Variants in VPS53 observed in about 807,000 individuals in gnomAD.
VPS53 encodes vacuolar protein sorting-associated protein 53 homolog.
VPS53 carries 70 observed loss-of-function variants against 107.0 expected under a neutral mutation model. The observed-to-expected ratio is 0.65, with a 90% CI of 0.54 to 0.80. The LOEUF (loss-of-function observed/expected upper bound fraction) is 0.80, where lower values mean the gene tolerates loss of function less well. Among genes scored for constraint, VPS53 ranks in the 30% least tolerant of loss-of-function variants. The probability of loss-of-function intolerance (pLI) is 0.00; values close to 1 mark genes in which losing one functional copy is unlikely to be tolerated. For synonymous variants in VPS53, 409 were observed against 393.3 expected, an observed-to-expected ratio of 1.04 and a Z score of -0.47; for missense variants, 917 against 1,049.4, an observed-to-expected ratio of 0.87 and a Z score of 1.74.
intron 12 of VPS53, among the ~76,000 whole-genome samples, chr17:601,286 G>C (rs562834290): frequency 1.3e-5 from 2 of 152,328 alleles, no homozygotes; most frequent in South Asian, 4.1e-4. Context: ...AAATTAAAGT[G>C]TTAGTGTGCT....
chr17:568,971 G>A (rs1313245614), intron 13 of VPS53, among the ~76,000 whole-genome samples: 3 of 152,190 alleles, frequency 2.0e-5, no homozygotes, highest in Non-Finnish European at 4.4e-5. Flanking sequence ...AGCTCTCTCA[G>A]CCAAGGCAAT....
chr17:663,191 G>A (rs1397136224), intron 4 of VPS53, among the ~76,000 whole-genome samples: 1 of 152,132 alleles, frequency 6.6e-6, no homozygotes, highest in Non-Finnish European at 1.5e-5. Flanking sequence ...GACTGAGCGA[G>A]ATCTTGTCTC....
intron 4 of VPS53, among the ~76,000 whole-genome samples, chr17:694,631 T>C (rs1487438227): frequency 6.6e-6 from 1 of 152,238 alleles, no homozygotes; most frequent in African/African-American, 2.4e-5. Flanking sequence ...CAAAGCAAGT[T>C]CTAAATCACT....
At chr17:594,499 C>G (rs996449583) in intron 12 of VPS53, among the ~76,000 whole-genome samples, 1 of 149,330 alleles carries the variant, frequency 6.7e-6, no homozygotes, top group Non-Finnish European at 1.5e-5. Flanking sequence ...GGGTCTGGAT[C>G]AATTTCCTGG....
chr17:583,378 CG>C (rs1967149316), intron 13 of VPS53, among the ~76,000 whole-genome samples: 2 of 139,058 alleles, frequency 1.4e-5, no homozygotes, highest in African/African-American at 2.7e-5. Flanking sequence ...CCTTCCCTCA[CG>C]ACCTAATGCG....
intron 2 of VPS53, among the ~76,000 whole-genome samples, chr17:704,471 C>A (rs1973325754): frequency 6.6e-6 from 1 of 152,208 alleles, no homozygotes; most frequent in Admixed American, 6.5e-5. Context: ...TACTGGAGGT[C>A]CATGAGGTAT....
At chr17:562,019 T>C (rs545817319) in intron 14 of VPS53, among the ~76,000 whole-genome samples, 5 of 152,308 alleles carry the variant, frequency 3.3e-5, no homozygotes, top group African/African-American at 1.2e-4. Flanking sequence ...AACATTAGGC[T>C]CTGTCCAGCA....
chr17:668,971 A>C (rs2143678767), intron 4 of VPS53, among the ~76,000 whole-genome samples: 1 of 152,292 alleles, frequency 6.6e-6, no homozygotes, highest in Non-Finnish European at 1.5e-5. Flanking sequence ...TATGTGCCAG[A>C]CTTTTTTCGG....
intron 17 of VPS53, among the ~76,000 whole-genome samples, chr17:549,590 A>C (rs963126384): frequency 3.9e-5 from 6 of 152,298 alleles, no homozygotes; most frequent in East Asian, 1.9e-4. Context: ...ATTGAAAAAA[A>C]AAAATCCCAC....
At chr17:678,767 T>C (rs1307238457) in intron 4 of VPS53, among the ~76,000 whole-genome samples, 1 of 151,974 alleles carries the variant, frequency 6.6e-6, no homozygotes, top group Non-Finnish European at 1.5e-5. Flanking sequence ...GCCTCCCAAG[T>C]AGCTGGGACT....
chr17:630,550 T>C (rs540265561), intron 8 of VPS53, among the ~76,000 whole-genome samples: 1 of 152,324 alleles, frequency 6.6e-6, no homozygotes, highest in South Asian at 2.1e-4. Flanking sequence ...CAAATAAGCA[T>C]CTGATTACTA....
chr17:569,537 G>A (rs1352800609), intron 13 of VPS53, among the ~76,000 whole-genome samples: 1 of 152,210 alleles, frequency 6.6e-6, no homozygotes, highest in Non-Finnish European at 1.5e-5. Context: ...ATGAGTCCAT[G>A]CTGACATAGA....
At position 524,283 on chromosome 17, in the gene VPS53, CATAAAAA is replaced by C. The variant is rs111313752; in HGVS notation, c.2086-2552_2086-2546del. Among the ~76,000 whole-genome samples, 268 of 151,564 alleles carry C rather than the reference CATAAAAA, an allele frequency of 1.8e-3. No individual in the cohort carries two copies. In the Middle Eastern group the frequency reaches 0.02, roughly 12 times the overall value. ...AGACACTGTCTCAAAAAAATAAATACATAAAAAATAAAAAATAAAAAAGAAGAAGAAG... is the reference window on the plus strand; with the variant it reads ...AGACACTGTCTCAAAAAAATAAATACATAAAAAATAAAAAAGAAGAAGAAG... On this transcript the variant is annotated intron_variant, in intron 19 of 21. Coordinates refer to ENST00000437048, the MANE Select transcript of VPS53 (RefSeq NM_001128159.3). This position sits in a 1 kb window ranked among gnomAD's most constrained non-coding sequence, Gnocchi z 4.5.
At chr17:636,793 T>C (rs1010334581) in intron 7 of VPS53, among the ~76,000 whole-genome samples, 2 of 152,252 alleles carry the variant, frequency 1.3e-5, no homozygotes, top group African/African-American at 4.8e-5. Flanking sequence ...GATAAGCTTT[T>C]TGATGTGCTG....
chr17:549,444 G>T (rs1911605561), intron 17 of VPS53, among the ~76,000 whole-genome samples: 1 of 152,052 alleles, frequency 6.6e-6, no homozygotes, highest in South Asian at 2.1e-4. Flanking sequence ...CACGGTCTCT[G>T]TTCGTATTTG....
chr17:664,961 T>C (rs1971618995), intron 4 of VPS53, among the ~76,000 whole-genome samples: 3 of 151,940 alleles, frequency 2.0e-5, no homozygotes, highest in African/African-American at 7.3e-5. Context: ...GGCAGGTGTG[T>C]GTGGTGGTGG....
intron 13 of VPS53, among the ~76,000 whole-genome samples, chr17:573,104 A>T (rs1332343650): frequency 1.3e-5 from 2 of 152,270 alleles, no homozygotes; most frequent in Non-Finnish European, 2.9e-5. Flanking sequence ...CTAGAAAAGC[A>T]TGAGTTCTAG....
rs1323220772 is a variant in VPS53, at chr17:627,976, C to T, written c.831+112G>A. ...GCCCCTAGGACTCACAGCTCAACAA[C>T]CAACACTGTCAGACAGTCATGTAAT... On this transcript the variant is annotated intron_variant, in intron 9 of 21. Coordinates refer to ENST00000437048, the MANE Select transcript of VPS53 (RefSeq NM_001128159.3). The T allele has an allele frequency of 7.2e-6, 8 of 1,116,872 alleles. No individual in the cohort carries two copies. In the East Asian group the frequency reaches 1.3e-4, roughly 18 times the overall value. 69.2% of individuals were successfully genotyped at this position (1,116,872 alleles called of 1,614,324 possible).
At chr17:554,455 G>A (rs892381147) in intron 15 of VPS53, among the ~76,000 whole-genome samples, 1 of 152,172 alleles carries the variant, frequency 6.6e-6, no homozygotes. Flanking sequence ...CCAGGCTGGA[G>A]TGCAATGGTA....
Sources: allele counts gnomAD v4.1 joint callset (sites outside exome capture counted in the v4.1 genomes callset), GRCh38; gene constraint gnomAD v4.1.1; non-coding constraint Gnocchi (gnomAD v3.1); transcripts MANE v1.5; gene names NCBI Gene and HGNC (gene_info 2026-07-23, HGNC 2026-07-21).